Variants in PUS7 observed in about 807,000 individuals in gnomAD.
The protein encoded by PUS7 is pseudouridylate synthase 7 homolog.
PUS7 carries 48 observed loss-of-function variants against 79.8 expected under a neutral mutation model. The ratio of observed to expected loss-of-function variants is 0.60; its 90% CI spans 0.48 to 0.76. The LOEUF (loss-of-function observed/expected upper bound fraction) is 0.76. PUS7 is among the 30% of genes least tolerant of loss of function. PUS7 has a pLI of 0.00. For missense variants in PUS7, 729 were observed against 797.6 expected (o/e 0.91, Z 1.04); for synonymous variants, 286 against 272.2 (o/e 1.05, Z -0.50).
At chr7:105,498,829 G>A (rs1385393507) in intron 5 of PUS7, among the ~76,000 whole-genome samples, 3 of 152,090 alleles carry the variant, frequency 2.0e-5, no homozygotes, top group East Asian at 3.8e-4. Context: ...GTTTTGCCAT[G>A]TTGGCCAGGC....
At chr7:105,496,224 T>C (rs373623752) in intron 5 of PUS7, among the ~76,000 whole-genome samples, 4 of 83,980 alleles carry the variant, frequency 4.8e-5, no homozygotes, top group Admixed American at 1.9e-4. Context: ...TATATATATA[T>C]ATAGAGAGAG....
intron 8 of PUS7, 21 bp downstream of exon 8, chr7:105,482,291 T>G (rs758254215): frequency 2.5e-6 from 4 of 1,610,446 alleles, no homozygotes; most frequent in Non-Finnish European, 2.5e-6. Context: ...CTGGTCTACA[T>G]TCCCACCTGC....
intron 6 of PUS7, among the ~76,000 whole-genome samples, chr7:105,493,568 C>T (rs986498575): frequency 2.6e-5 from 4 of 152,148 alleles, no homozygotes; most frequent in African/African-American, 7.2e-5. Flanking sequence ...AGCTCTGACC[C>T]CCCAGGACCT....
Position 105,505,996 on chromosome 7 carries a change from G to C in PUS7, c.544C>G (p.Leu182Val). The C allele has an allele frequency of 1.2e-6, 2 of 1,613,842 alleles. No homozygotes were observed. Among genetic ancestry groups the C allele is most frequent in the Non-Finnish European group, 1.7e-6 (2 of 1,179,890 alleles). ...TAEEKQRLEE[L>V]QLFKNKETSV... is the part of the protein sequence containing the mutation. ...GTTTCCTTATTTTTGAACAGCTGGA[G>C]CTCTTCCAATCGCTGCTTTTCTTCA... is the stretch of plus-strand genomic sequence containing the variant. The change falls in exon 4 of 16, where the codon CTC (leucine) becomes GTC (valine). Residue 182 changes from leucine (L) to valine (V), a missense_variant. Leu to Val is a conservative substitution (Grantham distance 32). Transcript: ENST00000469408.
chr7:105,479,585 A>AT (rs1325610002), intron 9 of PUS7, among the ~76,000 whole-genome samples: 1 of 152,214 alleles, frequency 6.6e-6, no homozygotes, highest in East Asian at 1.9e-4. Context: ...GAACCCAACT[A>AT]TTTATTGATG....
At chr7:105,464,806 CTCTT>C (rs1823569960) in intron 13 of PUS7, among the ~76,000 whole-genome samples, 2 of 140,914 alleles carry the variant, frequency 1.4e-5, no homozygotes, top group Non-Finnish European at 3.0e-5. Context: ...ACAAATCCCC[CTCTT>C]CCCTTTTTTT....
At chr7:105,473,715 G>A (rs1461520343) in intron 9 of PUS7, among the ~76,000 whole-genome samples, 1 of 152,088 alleles carries the variant, frequency 6.6e-6, no homozygotes, top group Admixed American at 6.6e-5. Flanking sequence ...CACTGTGCCC[G>A]GCCAATTTTT....
intron 14 of PUS7, among the ~76,000 whole-genome samples, chr7:105,461,098 C>G (rs1029220309): frequency 6.6e-6 from 1 of 152,106 alleles, no homozygotes; most frequent in Non-Finnish European, 1.5e-5. Context: ...AGCTCCTAGG[C>G]TCAAGTGATC....
chr7:105,466,771 A>C (rs1428321100), intron 12 of PUS7, among the ~76,000 whole-genome samples: 2 of 151,896 alleles, frequency 1.3e-5, no homozygotes, highest in African/African-American at 4.8e-5. Context: ...AAAAAAAAAA[A>C]CTGGAATGTA....
Position 105,502,535 on chromosome 7 carries a change from G to C in PUS7, c.615C>G (p.Thr205=), listed in dbSNP as rs1423779075. 2 of 1,613,764 alleles carry C rather than the reference G, an allele frequency of 1.2e-6. No homozygotes were observed. The highest frequency in any genetic ancestry group is 1.7e-6 in the Non-Finnish European group (2 of 1,179,928). Residue 205 remains threonine, a synonymous_variant, in exon 5 of 16, where the codon ACC becomes ACG. Transcript: ENST00000469408. ...EVIEDTKEKR[T]IIHQAIKSLF... is the part of the protein sequence containing the mutation. ...GAGATTTGATAGCCTGATGGATGAT[G>C]GTTCTTTTCTCTTTGGTGTCCTCGA...
intron 7 of PUS7, among the ~76,000 whole-genome samples, chr7:105,485,770 T>C (rs1042008777): frequency 2.0e-5 from 3 of 152,260 alleles, no homozygotes; most frequent in Non-Finnish European, 4.4e-5. Flanking sequence ...TACCTAGTCA[T>C]GTTCCAGTAT....
intron 6 of PUS7, among the ~76,000 whole-genome samples, chr7:105,494,858 C>T (rs1224281689): frequency 6.6e-6 from 1 of 151,570 alleles, no homozygotes; most frequent in African/African-American, 2.4e-5. Flanking sequence ...CGCCTGTAAT[C>T]CCAGCTACTC....
intron 9 of PUS7, among the ~76,000 whole-genome samples, chr7:105,474,653 T>C (rs545936056): frequency 4.7e-5 from 7 of 149,900 alleles, no homozygotes; most frequent in Admixed American, 4.0e-4. Context: ...TGGTGGCACG[T>C]GCCTGTAGTC....
chr7:105,489,848 G>A (rs1824710169), intron 7 of PUS7, among the ~76,000 whole-genome samples: 2 of 152,162 alleles, frequency 1.3e-5, no homozygotes, highest in Non-Finnish European at 2.9e-5. Context: ...GCTGGGCGTG[G>A]TGGCTGATGC....
intron 9 of PUS7, among the ~76,000 whole-genome samples, chr7:105,480,279 C>T (rs1201366711): frequency 2.0e-5 from 3 of 151,782 alleles, no homozygotes; most frequent in Non-Finnish European, 4.4e-5. Context: ...CAAGACCAGC[C>T]TGGCCAACAT....
chr7:105,501,072 T>G (rs1586160276), intron 5 of PUS7, among the ~76,000 whole-genome samples: 1 of 152,216 alleles, frequency 6.6e-6, no homozygotes, highest in African/African-American at 2.4e-5. Context: ...ACTTGCTGCC[T>G]TGACTAGATT....
intron 1 of PUS7, among the ~76,000 whole-genome samples, chr7:105,519,503 C>A (rs1826023350): frequency 6.6e-6 from 1 of 152,146 alleles, no homozygotes; most frequent in Non-Finnish European, 1.5e-5. Flanking sequence ...CCTCGGCCTC[C>A]CAGAGTGCTG....
chr7:105,492,808 A>T (rs533695546), intron 6 of PUS7, among the ~76,000 whole-genome samples: 1 of 152,046 alleles, frequency 6.6e-6, no homozygotes, highest in South Asian at 2.1e-4. Context: ...CGCCCGGCCG[A>T]TTTTTTGTAT....
chr7:105,519,647 G>A (rs1253528919), intron 1 of PUS7, among the ~76,000 whole-genome samples: 1 of 152,178 alleles, frequency 6.6e-6, no homozygotes, highest in Non-Finnish European at 1.5e-5. Flanking sequence ...CATTGTTGTA[G>A]GTACTGGAAG....
Sources: allele counts gnomAD v4.1 joint callset (sites outside exome capture counted in the v4.1 genomes callset), GRCh38; gene constraint gnomAD v4.1.1; transcripts MANE v1.5; gene names NCBI Gene and HGNC (gene_info 2026-07-23, HGNC 2026-07-21).